Variants in ABR observed in about 807,000 individuals in gnomAD.
The protein encoded by ABR is active breakpoint cluster region-related protein.
ABR carries 35 observed loss-of-function variants against 107.2 expected under a neutral mutation model. The ratio of observed to expected loss-of-function variants is 0.33; its 90% CI spans 0.25 to 0.43. The LOEUF is 0.43. ABR is among the 20% of genes least tolerant of loss of function. The probability of loss-of-function intolerance (pLI) is 1.00; values close to 1 mark genes in which losing one functional copy is unlikely to be tolerated. For missense variants in ABR, 815 were observed against 1,115.2 expected (o/e 0.73, Z 3.83); for synonymous variants, 498 against 462.0 (o/e 1.08, Z -1.00).
chr17:1,215,198 T>A (rs2042974681), intron 1 of ABR, among the ~76,000 whole-genome samples: 2 of 145,898 alleles, frequency 1.4e-5, no homozygotes. Flanking sequence ...CTAGCCTGGG[T>A]GACAGAGCAA....
chr17:1,205,388 A>G (rs2042770021), intron 1 of ABR, among the ~76,000 whole-genome samples: 1 of 152,218 alleles, frequency 6.6e-6, no homozygotes, highest in Admixed American at 6.5e-5. Context: ...GAAAGGCCTG[A>G]GAATGTATCA....
chr17:1,088,734 G>A (rs1324697201), intron 4 of ABR, among the ~76,000 whole-genome samples: 1 of 150,870 alleles, frequency 6.6e-6, no homozygotes, highest in Non-Finnish European at 1.5e-5. Flanking sequence ...GATCACAGGT[G>A]CGTGTTATCA....
At chr17:1,104,048 G>A (rs933665246) in intron 2 of ABR, among the ~76,000 whole-genome samples, 9 of 148,478 alleles carry the variant, frequency 6.1e-5, no homozygotes, top group Non-Finnish European at 1.2e-4. Context: ...AGGTGAAGGA[G>A]AGGTGCCCAC....
intron 4 of ABR, among the ~76,000 whole-genome samples, chr17:1,088,670 C>T (rs941143600): frequency 6.6e-6 from 1 of 151,904 alleles, no homozygotes; most frequent in African/African-American, 2.4e-5. Context: ...ACTACAACCT[C>T]TGCCTCCCGA....
At position 1,148,946 on chromosome 17, in the gene ABR, G is replaced by C. The variant is rs191685758; in HGVS notation, c.62-23579C>G. 6.6e-6 allele frequency among the ~76,000 whole-genome samples: 1 copy of C among 151,868 alleles called. No homozygotes were observed. Among genetic ancestry groups the C allele is most frequent in the Admixed American group, 6.6e-5 (1 of 15,260 alleles). On this transcript the variant is annotated intron_variant, in intron 1 of 22. Transcript: ENST00000302538. This position sits in a 1 kb window ranked among gnomAD's most constrained non-coding sequence, Gnocchi z 4.9. ...AGACAGAGTCTCACTCTGTCACCCA[G>C]GCTGGAGTGCAGTGGCGCCATCTCG...
chr17:1,192,332 A>G (rs752760822), intron 1 of ABR, among the ~76,000 whole-genome samples: 2 of 152,132 alleles, frequency 1.3e-5, no homozygotes, highest in African/African-American at 2.4e-5. Flanking sequence ...TATAAACCAG[A>G]GTTCCTTTTC....
chr17:1,098,931 G>A (rs2037678583), intron 3 of ABR, among the ~76,000 whole-genome samples: 1 of 151,454 alleles, frequency 6.6e-6, no homozygotes, highest in African/African-American at 2.4e-5. Flanking sequence ...GATTACAGGG[G>A]CCCGCCACCA....
chr17:1,199,769 A>T (rs533036281), intron 1 of ABR, among the ~76,000 whole-genome samples: 1 of 152,218 alleles, frequency 6.6e-6, no homozygotes, highest in East Asian at 1.9e-4. Flanking sequence ...TTAAAACTAT[A>T]AGTTTATTCA....
intron 2 of ABR, among the ~76,000 whole-genome samples, chr17:1,124,513 G>A (rs934105173): frequency 1.3e-5 from 2 of 152,222 alleles, no homozygotes; most frequent in African/African-American, 2.4e-5. Context: ...CACGAGCTGC[G>A]CTCAGACAGC....
At position 1,150,163 on chromosome 17, in the gene ABR, C is replaced by T. The variant is rs757233052; in HGVS notation, c.62-24796G>A. 5.4e-4 allele frequency among the ~76,000 whole-genome samples: 82 copies of T among 151,194 alleles called. No homozygotes were observed. Among genetic ancestry groups the T allele is most frequent in the Non-Finnish European group, 9.7e-4 (66 of 67,784 alleles). ...TCAAGGGCTGACACACTTCTCAAAGCGCTGAGATTACAGACGTGAGCCACC... is the reference window on the plus strand; with the variant it reads ...TCAAGGGCTGACACACTTCTCAAAGTGCTGAGATTACAGACGTGAGCCACC... On this transcript the variant is annotated intron_variant, in intron 1 of 22. Transcript: ENST00000302538. This position sits in a 1 kb window ranked among gnomAD's most constrained non-coding sequence, Gnocchi z 4.8.
At position 1,179,767 on chromosome 17, in the gene ABR, C is replaced by T; in HGVS notation, c.-40G>A. The T allele has an allele frequency of 7.4e-7, 1 of 1,356,816 alleles. No homozygotes were observed. Among genetic ancestry groups the T allele is most frequent in the Non-Finnish European group, 9.8e-7 (1 of 1,019,922 alleles). The allele number at this position is 1,356,816 out of a possible 1,614,324, so 84.0% of individuals were successfully genotyped here. A position where few individuals can be genotyped will look rare whatever the true frequency, so the allele number is the denominator to read the frequency against. On this transcript the variant is annotated 5_prime_UTR_variant, in exon 1 of 23. It removes an upstream start codon present in the reference 5' UTR. Transcript: ENST00000302538. This position sits in a 1 kb window ranked among gnomAD's most constrained non-coding sequence, Gnocchi z 4.9. The stretch of plus-strand genomic sequence containing the variant: ...TCGGTCAGATCCGAAACCCGACCCT[C>T]ATCGCGCAACAAAGGAGGGAGAGCG...
chr17:1,025,227 C>T (rs991099914), intron 16 of ABR, among the ~76,000 whole-genome samples: 1 of 151,032 alleles, frequency 6.6e-6, no homozygotes, highest in Admixed American at 6.6e-5. Flanking sequence ...ACCCGGGAGG[C>T]GGAGGCTGCA....
intron 1 of ABR, among the ~76,000 whole-genome samples, chr17:1,145,397 C>T (rs758213875): frequency 3.3e-5 from 5 of 152,190 alleles, no homozygotes; most frequent in Non-Finnish European, 7.3e-5. Flanking sequence ...GAATTGATAA[C>T]AAGTAATAAT....
At chr17:1,122,281 T>A (rs1471397497) in intron 2 of ABR, among the ~76,000 whole-genome samples, 1 of 152,232 alleles carries the variant, frequency 6.6e-6, no homozygotes, top group East Asian at 1.9e-4. Context: ...AGTATGACAC[T>A]TCATTTTCTA....
chr17:1,011,982 C>T lies in ABR; in HGVS notation c.1965G>A (p.Arg655=). Residue 655 remains arginine, a synonymous_variant, in exon 19 of 23, where the codon CGG becomes CGA. Coordinates refer to ENST00000302538, the MANE Select transcript of ABR (RefSeq NM_021962.5). This position sits in a 1 kb window ranked among gnomAD's most constrained non-coding sequence, Gnocchi z 4.8. ...CGATGTAGGGCACCTTGGAGCGCTC[C>T]CGCCTGGGGTGGAGCGTGAGGATGG... ...FGVKISVVTK[R]ERSKVPYIVR... 1 of 1,612,886 alleles carries T rather than the reference C, an allele frequency of 6.2e-7. No individual in the cohort carries two copies. The highest frequency in any genetic ancestry group is 1.1e-5 in the South Asian group (1 of 91,040).
intron 2 of ABR, among the ~76,000 whole-genome samples, chr17:1,107,924 A>C (rs2038367505): frequency 1.3e-5 from 2 of 152,296 alleles, no homozygotes; most frequent in South Asian, 4.1e-4. Context: ...CCTCAGAGCC[A>C]CACTGTAGAG....
intron 1 of ABR, among the ~76,000 whole-genome samples, chr17:1,128,338 G>A (rs763493541): frequency 8.5e-5 from 13 of 152,302 alleles, no homozygotes; most frequent in East Asian, 1.9e-4. Flanking sequence ...AGCAGACAGC[G>A]GCTTGGGCAC....
At chr17:1,195,285 C>G (rs1266712075) in intron 1 of ABR, among the ~76,000 whole-genome samples, 3 of 105,946 alleles carry the variant, frequency 2.8e-5, no homozygotes, top group South Asian at 3.6e-4. Context: ...CCAGCCTGGG[C>G]GACAGAATGA....
At chr17:1,013,823 G>C (rs2070874241) in intron 16 of ABR, among the ~76,000 whole-genome samples, 1 of 152,196 alleles carries the variant, frequency 6.6e-6, no homozygotes, top group Non-Finnish European at 1.5e-5. Flanking sequence ...CCAGGCTCGG[G>C]CTGGAGCCCA....
Sources: allele counts gnomAD v4.1 joint callset (sites outside exome capture counted in the v4.1 genomes callset), GRCh38; gene constraint gnomAD v4.1.1; non-coding constraint Gnocchi (gnomAD v3.1); transcripts MANE v1.5; gene names NCBI Gene and HGNC (gene_info 2026-07-23, HGNC 2026-07-21).